Variants in FARS2 observed in about 807,000 individuals in gnomAD.
FARS2 encodes phenylalanine--tRNA ligase, mitochondrial.
FARS2 carries 40 observed loss-of-function variants against 46.4 expected under a neutral mutation model. That is an observed-to-expected ratio of 0.86 (90% CI 0.67 to 1.12). FARS2 has a LOEUF of 1.12. FARS2 is among the 50% of genes most tolerant of loss of function. The probability of loss-of-function intolerance (pLI) is 0.00; values close to 1 mark genes in which losing one functional copy is unlikely to be tolerated. For missense variants in FARS2, 513 were observed against 567.9 expected, an observed-to-expected ratio of 0.90 and a Z score of 0.98; for synonymous variants, 234 against 214.9, an observed-to-expected ratio of 1.09 and a Z score of -0.78.
At chr6:5,539,378 T>TG in intron 4 of FARS2, among the ~76,000 whole-genome samples, 1 of 50,214 alleles carries the variant, frequency 2.0e-5, no homozygotes, top group African/African-American at 1.8e-4. Flanking sequence ...ACCTAATTTT[T>TG]TTTGTGTATA....
intron 1 of FARS2, among the ~76,000 whole-genome samples, chr6:5,273,511 TG>T (rs1420051280): frequency 1.5e-4 from 16 of 109,140 alleles, no homozygotes; most frequent in African/African-American, 4.3e-4. Flanking sequence ...TTAATCAGAT[TG>T]TGTTTTTTTT....
At chr6:5,385,614 C>G (rs1013025397) in intron 2 of FARS2, among the ~76,000 whole-genome samples, 1 of 151,858 alleles carries the variant, frequency 6.6e-6, no homozygotes, top group African/African-American at 2.4e-5. Flanking sequence ...TTAGTAGAGA[C>G]GGGGTTTCAC....
intron 4 of FARS2, among the ~76,000 whole-genome samples, chr6:5,522,609 G>C (rs1769213883): frequency 6.6e-6 from 1 of 152,170 alleles, no homozygotes. Context: ...TTTATCCATC[G>C]CTATTCCAAT....
At chr6:5,583,364 G>C (rs1444541994) in intron 5 of FARS2, among the ~76,000 whole-genome samples, 2 of 152,122 alleles carry the variant, frequency 1.3e-5, no homozygotes, top group Admixed American at 1.3e-4. Context: ...CAGAATTTGT[G>C]GAAGAATCAT....
chr6:5,619,201 A>T (rs1333545426), intron 6 of FARS2, among the ~76,000 whole-genome samples: 1 of 152,158 alleles, frequency 6.6e-6, no homozygotes, highest in Non-Finnish European at 1.5e-5. Context: ...AGTAGACCTT[A>T]ATAGGTCAGA....
At chr6:5,583,373 A>G (rs1773442101) in intron 5 of FARS2, among the ~76,000 whole-genome samples, 1 of 152,218 alleles carries the variant, frequency 6.6e-6, no homozygotes, top group Non-Finnish European at 1.5e-5. Context: ...TGGAAGAATC[A>G]TACATGCTTA....
intron 6 of FARS2, among the ~76,000 whole-genome samples, chr6:5,660,136 T>A (rs1263253889): frequency 4.6e-5 from 7 of 152,192 alleles, no homozygotes; most frequent in Non-Finnish European, 1.0e-4. Flanking sequence ...TCCCCTTCGT[T>A]GATTAGTTCT....
intron 4 of FARS2, among the ~76,000 whole-genome samples, chr6:5,532,721 ATC>A (rs1405395439): frequency 2.6e-5 from 4 of 152,120 alleles, no homozygotes; most frequent in African/African-American, 9.7e-5. Flanking sequence ...ATTGCACTCC[ATC>A]CTGGGCAACA....
chr6:5,671,025 G>A (rs1481540666), intron 6 of FARS2, among the ~76,000 whole-genome samples: 1 of 152,200 alleles, frequency 6.6e-6, no homozygotes, highest in African/African-American at 2.4e-5. Context: ...GAGTGTCAGT[G>A]AACTCATTAC....
At chr6:5,716,848 G>A (rs773591405) in intron 6 of FARS2, among the ~76,000 whole-genome samples, 5 of 152,174 alleles carry the variant, frequency 3.3e-5, no homozygotes, top group Non-Finnish European at 7.3e-5. Context: ...GCCCTCTCTG[G>A]GTACACTACC....
In FARS2 at chr6:5,428,382, G is replaced by C. The variant is rs1218486575; in HGVS notation, c.773-2659G>C. Among the ~76,000 whole-genome samples, 4 of 151,986 alleles carry C rather than the reference G, an allele frequency of 2.6e-5. No homozygotes were observed. In the South Asian group the frequency reaches 8.3e-4, roughly 32 times the overall value. ...TTTACCACTGTGTTCCAAGCATTTA[G>C]GTAATGTTTAATTACATAAAATTAA... On this transcript the variant is annotated intron_variant, in intron 3 of 6. Transcript: ENST00000274680.
At chr6:5,730,193 C>T (rs139901318) in intron 6 of FARS2, among the ~76,000 whole-genome samples, 29 of 147,892 alleles carry the variant, frequency 2.0e-4, no homozygotes, top group African/African-American at 7.3e-4. Context: ...TGTAGCTGAG[C>T]TGCCCAATAT....
At chr6:5,452,060 T>A (rs1282555772) in intron 4 of FARS2, 1 of 152,240 alleles carries the variant, frequency 6.6e-6, no homozygotes, top group Non-Finnish European at 1.5e-5. Flanking sequence ...TACTGGTTAG[T>A]GGCTGCAGTA....
chr6:5,754,056 T>G (rs61317090), intron 6 of FARS2, among the ~76,000 whole-genome samples: 1,936 of 152,366 alleles, frequency 0.013, 50 homozygotes, highest in African/African-American at 0.042. Context: ...TTAAGCAAAT[T>G]AACAAAGCTT....
At chr6:5,530,749 ATATATT>A (rs1008830148) in intron 4 of FARS2, among the ~76,000 whole-genome samples, 4 of 146,968 alleles carry the variant, frequency 2.7e-5, no homozygotes, top group Non-Finnish European at 4.5e-5. Context: ...ATATATAACT[ATATATT>A]TATATATAAA....
chr6:5,517,067 A>G (rs1768848521), intron 4 of FARS2, among the ~76,000 whole-genome samples: 1 of 152,172 alleles, frequency 6.6e-6, no homozygotes, highest in African/African-American at 2.4e-5. Context: ...GAATATGAGC[A>G]TGGAAGGAAG....
At chr6:5,470,224 G>GA (rs936994963) in intron 4 of FARS2, among the ~76,000 whole-genome samples, 6 of 151,650 alleles carry the variant, frequency 4.0e-5, no homozygotes, top group African/African-American at 1.2e-4. Context: ...AAATATTCAG[G>GA]AAAAAAAATG....
At chr6:5,574,446 C>T (rs373237048) in intron 5 of FARS2, among the ~76,000 whole-genome samples, 4 of 152,238 alleles carry the variant, frequency 2.6e-5, no homozygotes, top group South Asian at 4.1e-4. Context: ...CTGTATGGAG[C>T]GGTCATATTT....
At chr6:5,469,399 A>T (rs943727148) in intron 4 of FARS2, among the ~76,000 whole-genome samples, 6 of 152,206 alleles carry the variant, frequency 3.9e-5, no homozygotes, top group Non-Finnish European at 8.8e-5. Flanking sequence ...TCAGCGGGTG[A>T]CAGTAGCTAA....
Sources: allele counts gnomAD v4.1 joint callset (sites outside exome capture counted in the v4.1 genomes callset), GRCh38; gene constraint gnomAD v4.1.1; transcripts MANE v1.5; gene names NCBI Gene and HGNC (gene_info 2026-07-23, HGNC 2026-07-21).